The following SRF variants were observed in gnomAD, a reference collection of about 807,000 sequenced individuals.
SRF encodes the protein serum response factor.
A neutral mutation model predicts 37.1 loss-of-function variants in SRF; 7 were observed. The observed-to-expected ratio is 0.19, with a 90% CI of 0.11 to 0.35. SRF has a LOEUF of 0.35. SRF is among the 10% of genes least tolerant of loss of function. The pLI is 1.00. For missense variants in SRF, 395 were observed against 694.4 expected (o/e 0.57, Z 4.85); for synonymous variants, 285 against 310.1 (o/e 0.92, Z 0.85).
Position 43,172,201 on chromosome 6 carries a change from G to A in SRF, c.513+32G>A, listed in dbSNP as rs749863011. The A allele has an allele frequency of 4.4e-6, 7 of 1,594,216 alleles. No individual in the cohort carries two copies. The highest frequency in any genetic ancestry group is 2.3e-5 in the East Asian group (1 of 44,358). On this transcript the variant is annotated intron_variant, in intron 1 of 6. Transcript: ENST00000265354. The surrounding 1 kb of genome is among the most constrained non-coding windows in gnomAD (Gnocchi z 5.7). ...AGCCGGGGGGCTGGCCGGCCCCGGG[G>A]CCCGGTTGGGGTGGGGATGTGCAAA...
Position 43,171,680 on chromosome 6 carries a change from C to G in SRF, c.24C>G (p.Ala8=). The G allele has an allele frequency of 8.2e-7, 1 of 1,213,460 alleles. No homozygotes were observed. The highest frequency in any genetic ancestry group is 1.0e-6 in the Non-Finnish European group (1 of 974,384). 75.2% of individuals were successfully genotyped at this position (1,213,460 alleles called of 1,614,324 possible). The change falls in exon 1 of 7, where the codon GCC becomes GCG. Residue 8 remains alanine (A), a synonymous_variant. Transcript: ENST00000265354. This position sits in a 1 kb window ranked among gnomAD's most constrained non-coding sequence, Gnocchi z 6.5. ...CCATGTTACCGACCCAAGCTGGGGC[C>G]GCGGCGGCTCTGGGCCGGGGCTCGG... MLPTQAG[A]AAALGRGSAL... is the part of the protein sequence containing the mutation.
chr6:43,171,504 T>G lies in SRF; in HGVS notation c.-153T>G. The G allele has an allele frequency of 1.2e-6, 1 of 855,244 alleles. No homozygotes were observed. The highest frequency in any genetic ancestry group is 1.5e-6 in the Non-Finnish European group (1 of 661,314). The allele number at this position is 855,244 out of a possible 1,614,324, so 53.0% of individuals were successfully genotyped here. A position where few individuals can be genotyped will look rare whatever the true frequency, so the allele number is the denominator to read the frequency against. On this transcript the variant is annotated 5_prime_UTR_variant, in exon 1 of 7. Transcript: ENST00000265354. This position sits in a 1 kb window ranked among gnomAD's most constrained non-coding sequence, Gnocchi z 6.5. ...GTGAGGGCCCAGGTCGGCCCGGGCGTGCAGGGGCCCCGGGTTCGCAGCGGC... is the reference window on the plus strand; with the variant it reads ...GTGAGGGCCCAGGTCGGCCCGGGCGGGCAGGGGCCCCGGGTTCGCAGCGGC...
Position 43,178,583 on chromosome 6 carries a change from A to G in SRF, c.1354+98A>G. ...CACACATATGCACTGATGCCTACAAATATTTCTACCCAAATACAACACAGA... is the reference window on the plus strand; with the variant it reads ...CACACATATGCACTGATGCCTACAAGTATTTCTACCCAAATACAACACAGA... On this transcript the variant is annotated intron_variant, in intron 5 of 6. Coordinates refer to ENST00000265354, the MANE Select transcript of SRF (RefSeq NM_003131.4). This position sits in a 1 kb window ranked among gnomAD's most constrained non-coding sequence, Gnocchi z 4.3. The G allele has an allele frequency of 1.4e-6, 2 of 1,442,580 alleles. No individual in the cohort carries two copies. The highest frequency in any genetic ancestry group is 1.9e-6 in the Non-Finnish European group (2 of 1,053,598). The allele number at this position is 1,442,580 out of a possible 1,614,324, so 89.4% of individuals were successfully genotyped here. A position where few individuals can be genotyped will look rare whatever the true frequency, so the allele number is the denominator to read the frequency against.
Position 43,173,211 on chromosome 6 carries a change from CTG to C in SRF, c.514-634_514-633del, listed in dbSNP as rs1239203963. Among the ~76,000 whole-genome samples, 3 of 152,180 alleles carry C rather than the reference CTG, an allele frequency of 2.0e-5. No homozygotes were observed. The highest frequency in any genetic ancestry group is 2.9e-5 in the Non-Finnish European group (2 of 68,038). On this transcript the variant is annotated intron_variant, in intron 1 of 6. Transcript: ENST00000265354. The surrounding 1 kb of genome is among the most constrained non-coding windows in gnomAD (Gnocchi z 4.2). ...GTCTCGTCTCCCATCACTCCAGACA[CTG>C]TTGTATCAGTGTCCCTTGTCACTTG...
At position 43,176,451 on chromosome 6, in the gene SRF, C is replaced by A; in HGVS notation, c.1043-97C>A. On this transcript the variant is annotated intron_variant, in intron 3 of 6. Coordinates refer to ENST00000265354, the MANE Select transcript of SRF (RefSeq NM_003131.4). This position sits in a 1 kb window ranked among gnomAD's most constrained non-coding sequence, Gnocchi z 4.0. ...GAAAGATAGTGATGGGAGTTGGAGA[C>A]CAGTGTGCCAGACCCTGGGACTGGG... The A allele has an allele frequency of 6.5e-7, 1 of 1,544,112 alleles. No homozygotes were observed. Among genetic ancestry groups the A allele is most frequent in the Admixed American group, 1.8e-5 (1 of 54,974 alleles).
chr6:43,176,078 G>C lies in SRF; in HGVS notation c.1042+111G>C. On this transcript the variant is annotated intron_variant, in intron 3 of 6. Coordinates refer to ENST00000265354, the MANE Select transcript of SRF (RefSeq NM_003131.4). The surrounding 1 kb of genome is among the most constrained non-coding windows in gnomAD (Gnocchi z 4.0). ...AACCTCTTTCCCTGCTCAGAAGGAA[G>C]GTGAATAGGGGCCAGAGCCTGAGCG... The C allele has an allele frequency of 1.4e-6, 2 of 1,429,216 alleles. No homozygotes were observed. The highest frequency in any genetic ancestry group is 2.7e-5 in the South Asian group (2 of 74,624). 88.5% of individuals were successfully genotyped at this position (1,429,216 alleles called of 1,614,324 possible). A position where few individuals can be genotyped will look rare whatever the true frequency, so the allele number is the denominator to read the frequency against.
Position 43,178,037 on chromosome 6 carries a change from ATT to A in SRF, c.1163-255_1163-254del, listed in dbSNP as rs1772239007. Among the ~76,000 whole-genome samples the A allele has an allele frequency of 6.6e-6, 1 of 152,124 alleles. No homozygotes were observed. Among genetic ancestry groups the A allele is most frequent in the African/African-American group, 2.4e-5 (1 of 41,432 alleles). The stretch of plus-strand genomic sequence containing the variant: ...AGTCATAATCTTTGTTTTTCCCAAG[ATT>A]TAGGACTTAGAGAATTCAGTAGATA... On this transcript the variant is annotated intron_variant, in intron 4 of 6. Transcript: ENST00000265354. This position sits in a 1 kb window ranked among gnomAD's most constrained non-coding sequence, Gnocchi z 4.3.
chr6:43,175,934 A>G lies in SRF; in HGVS notation c.1009A>G (p.Met337Val), dbSNP rs762462366. 1 of 1,613,846 alleles carries G rather than the reference A, an allele frequency of 6.2e-7. No individual in the cohort carries two copies. Among genetic ancestry groups the G allele is most frequent in the South Asian group, 1.1e-5 (1 of 91,076 alleles). The part of the protein sequence containing the change: ...GSGPVSSGGL[M>V]QLPTSFTLMP... ...CGGCCCTGTCTCCTCTGGGGGCCTT[A>G]TGCAGCTGCCTACCAGCTTCACCCT... Residue 337 changes from methionine to valine, a missense_variant, in exon 3 of 7, where the codon ATG becomes GTG. Physicochemically the swap from Met to Val is conservative, Grantham distance 21 (BLOSUM62 1). This residue lies in a region of SRF where 232 missense variants were observed against 335.6 expected (regional missense o/e 0.69). Transcript: ENST00000265354.
In SRF at chr6:43,172,461, G is replaced by C; in HGVS notation, c.513+292G>C. ...CTTGCTGAGTGAAGGGGTGAGGAGC[G>C]GTGATGGGAGGCTACGAGGCTGCCG... On this transcript the variant is annotated intron_variant, in intron 1 of 6. Transcript: ENST00000265354. The surrounding 1 kb of genome is among the most constrained non-coding windows in gnomAD (Gnocchi z 5.7). 2.0e-6 allele frequency: 2 copies of C among 985,386 alleles called. No homozygotes were observed. The highest frequency in any genetic ancestry group is 2.4e-6 in the Non-Finnish European group (2 of 829,900). The allele number at this position is 985,386 out of a possible 1,614,324, so 61.0% of individuals were successfully genotyped here.
rs1482400410 is a variant in SRF at position 43,178,531 on chromosome 6, T to TTA, written c.1354+49_1354+50dup. ...AAGGAAAGGAGGACCGTTTCCTTCT[T>TTA]TATACACACACACACACACACATAC... is the stretch of plus-strand genomic sequence containing the variant. On this transcript the variant is annotated intron_variant, in intron 5 of 6. Coordinates refer to ENST00000265354, the MANE Select transcript of SRF (RefSeq NM_003131.4). The surrounding 1 kb of genome is among the most constrained non-coding windows in gnomAD (Gnocchi z 4.3). 6.4e-7 allele frequency: 1 copy of TTA among 1,565,580 alleles called. No individual in the cohort carries two copies. Among genetic ancestry groups the TTA allele is most frequent in the Non-Finnish European group, 8.7e-7 (1 of 1,148,062 alleles).
Position 43,172,625 on chromosome 6 carries a change from A to C in SRF, c.513+456A>C, listed in dbSNP as rs559857889. Reference sequence around the variant, plus strand: ...AGCTGCATGACAACAATGAGCGAACATGTGTGGGAGGAAGTGGGCACCACG... The same window carrying C: ...AGCTGCATGACAACAATGAGCGAACCTGTGTGGGAGGAAGTGGGCACCACG... On this transcript the variant is annotated intron_variant, in intron 1 of 6. Transcript: ENST00000265354. The surrounding 1 kb of genome is among the most constrained non-coding windows in gnomAD (Gnocchi z 5.7). Among the ~76,000 whole-genome samples, 85 of 152,214 alleles carry C rather than the reference A, an allele frequency of 5.6e-4. No individual in the cohort carries two copies. The highest frequency in any genetic ancestry group is 1.9e-3 in the African/African-American group (77 of 41,530).
In SRF at chr6:43,174,064, C is replaced by G; in HGVS notation, c.731C>G (p.Thr244Arg). 6.2e-7 allele frequency: 1 copy of G among 1,614,208 alleles called. No individual in the cohort carries two copies. Among genetic ancestry groups the G allele is most frequent in the Non-Finnish European group, 8.5e-7 (1 of 1,180,030 alleles). ...QRMSATGFEE[T>R]DLTYQVSESD... The stretch of plus-strand genomic sequence containing the variant: ...ATGAGTGCCACTGGCTTTGAAGAGA[C>G]AGATCTCACCTACCAGGTGTCGGAG... The change falls in exon 2 of 7, where the codon ACA becomes AGA. Residue 244 changes from threonine to arginine, a missense_variant. Physicochemically the swap from Thr to Arg is moderately conservative, Grantham distance 71. Transcript: ENST00000265354.
rs370853248 is a variant in SRF, at chr6:43,178,659, G to T, written c.1355-147G>T. Reference sequence around the variant, plus strand: ...ACACCCCACTTGGACACTCACACCCGCATGCACCCTCAGACACACTGGCAC... The same window carrying T: ...ACACCCCACTTGGACACTCACACCCTCATGCACCCTCAGACACACTGGCAC... On this transcript the variant is annotated intron_variant, in intron 5 of 6. Coordinates refer to ENST00000265354, the MANE Select transcript of SRF (RefSeq NM_003131.4). This position sits in a 1 kb window ranked among gnomAD's most constrained non-coding sequence, Gnocchi z 4.3. 8.4e-7 allele frequency: 1 copy of T among 1,193,036 alleles called. No homozygotes were observed. Among genetic ancestry groups the T allele is most frequent in the Non-Finnish European group, 1.2e-6 (1 of 818,650 alleles). 73.9% of individuals were successfully genotyped at this position (1,193,036 alleles called of 1,614,324 possible). A position where few individuals can be genotyped will look rare whatever the true frequency, so the allele number is the denominator to read the frequency against.
chr6:43,171,773 T>C lies in SRF; in HGVS notation c.117T>C (p.Ala39=). 11 of 1,211,866 alleles carry C rather than the reference T, an allele frequency of 9.1e-6. No homozygotes were observed. Among genetic ancestry groups the C allele is most frequent in the Non-Finnish European group, 1.1e-5 (11 of 975,592 alleles). 75.1% of individuals were successfully genotyped at this position (1,211,866 alleles called of 1,614,324 possible). ...RPGGGGGTRG[A]NGGRVPGNGA... is the part of the protein sequence containing the mutation. ...GCGGCGGCGGCGGGACACGCGGGGC[T>C]AACGGGGGCCGGGTCCCCGGGAATG... Residue 39 remains alanine, a synonymous_variant, in exon 1 of 7, where the codon GCT becomes GCC. Transcript: ENST00000265354. This position sits in a 1 kb window ranked among gnomAD's most constrained non-coding sequence, Gnocchi z 6.5.
In SRF at chr6:43,173,873, G is replaced by A. The variant is rs1257950308; in HGVS notation, c.540G>A (p.Gly180=). The change falls in exon 2 of 7, where the codon GGG becomes GGA. Residue 180 remains glycine, a synonymous_variant. Coordinates refer to ENST00000265354, the MANE Select transcript of SRF (RefSeq NM_003131.4). This position sits in a 1 kb window ranked among gnomAD's most constrained non-coding sequence, Gnocchi z 4.2. ...CCTATGAGCTGTCCACGCTGACAGG[G>A]ACACAGGTGCTGTTGCTGGTGGCCA... ...KKAYELSTLT[G]TQVLLLVASE... 1 of 1,614,132 alleles carries A rather than the reference G, an allele frequency of 6.2e-7. No homozygotes were observed. Among genetic ancestry groups the A allele is most frequent in the Non-Finnish European group, 8.5e-7 (1 of 1,180,008 alleles).
In SRF at chr6:43,180,465, G is replaced by A. The variant is rs977229670; in HGVS notation, c.*1275G>A. On this transcript the variant is annotated 3_prime_UTR_variant, in exon 7 of 7. Coordinates refer to ENST00000265354, the MANE Select transcript of SRF (RefSeq NM_003131.4). ...CTTCTTGGGCTGAGTGCAGCCAAAG[G>A]GGAGCCAGAAATGGGCAGTTCTCCC... 1.8e-4 allele frequency: 28 copies of A among 152,714 alleles called. No individual in the cohort carries two copies. Among genetic ancestry groups the A allele is most frequent in the Admixed American group, 4.6e-4 (7 of 15,292 alleles). 9.5% of individuals were successfully genotyped at this position (152,714 alleles called of 1,614,324 possible).
Position 43,180,957 on chromosome 6 carries a change from C to T in SRF, c.*1767C>T, listed in dbSNP as rs1283052434. 2 of 152,554 alleles carry T rather than the reference C, an allele frequency of 1.3e-5. No homozygotes were observed. The highest frequency in any genetic ancestry group is 1.5e-5 in the Non-Finnish European group (1 of 68,102). The allele number at this position is 152,554 out of a possible 1,614,324, so 9.5% of individuals were successfully genotyped here. On this transcript the variant is annotated 3_prime_UTR_variant, in exon 7 of 7. Coordinates refer to ENST00000265354, the MANE Select transcript of SRF (RefSeq NM_003131.4). Reference sequence around the variant, plus strand: ...GGAAGTCACCTTTCTGGGCTTTCTCCTGGAGATAGCTGGGGCTTATGGGTG... The same window carrying T: ...GGAAGTCACCTTTCTGGGCTTTCTCTTGGAGATAGCTGGGGCTTATGGGTG...
rs1025470821 is a variant in SRF, at chr6:43,178,550, C to T, written c.1354+65C>T. ...CCTTCTTTATACACACACACACACA[C>T]ACATACACACACATATGCACTGATG... On this transcript the variant is annotated intron_variant, in intron 5 of 6. Coordinates refer to ENST00000265354, the MANE Select transcript of SRF (RefSeq NM_003131.4). The surrounding 1 kb of genome is among the most constrained non-coding windows in gnomAD (Gnocchi z 4.3). 2.0e-6 allele frequency: 3 copies of T among 1,485,004 alleles called. No homozygotes were observed. The highest frequency in any genetic ancestry group is 2.8e-6 in the Non-Finnish European group (3 of 1,079,278). The allele number at this position is 1,485,004 out of a possible 1,614,324, so 92.0% of individuals were successfully genotyped here.
rs1321394543 is a variant in SRF at position 43,171,953 on chromosome 6, G to A, written c.297G>A (p.Lys99=). The change falls in exon 1 of 7, where the codon AAG becomes AAA. Residue 99 remains lysine, a synonymous_variant. Coordinates refer to ENST00000265354, the MANE Select transcript of SRF (RefSeq NM_003131.4). This position sits in a 1 kb window ranked among gnomAD's most constrained non-coding sequence, Gnocchi z 6.5. The part of the protein sequence containing the change: ...EELGAERRGL[K]RSLSEMEIGM... ...TGGGCGCCGAGCGGCGCGGCCTGAAGCGGAGCCTGAGCGAGATGGAGATCG... is the reference window on the plus strand; with the variant it reads ...TGGGCGCCGAGCGGCGCGGCCTGAAACGGAGCCTGAGCGAGATGGAGATCG... 2 of 1,510,010 alleles carry A rather than the reference G, an allele frequency of 1.3e-6. No homozygotes were observed. The highest frequency in any genetic ancestry group is 4.5e-5 in the Admixed American group (2 of 44,938). 93.5% of individuals were successfully genotyped at this position (1,510,010 alleles called of 1,614,324 possible).
Sources: allele counts gnomAD v4.1 joint callset (sites outside exome capture counted in the v4.1 genomes callset), GRCh38; gene constraint gnomAD v4.1.1; regional missense constraint gnomAD v4.1.1; non-coding constraint Gnocchi (gnomAD v3.1); transcripts MANE v1.5; gene names NCBI Gene and HGNC (gene_info 2026-07-23, HGNC 2026-07-21).